WDTC1: variants seen among roughly 807,000 people sequenced by gnomAD.
The protein encoded by WDTC1 is WD and tetratricopeptide repeats protein 1.
Under a neutral mutation model 76.0 loss-of-function variants are expected in WDTC1, and 12 were observed. The observed-to-expected ratio is 0.16, with a 90% CI of 0.10 to 0.26. WDTC1 has a LOEUF of 0.26. Among genes scored for constraint, WDTC1 ranks in the 10% least tolerant of loss-of-function variants. WDTC1 has a pLI of 1.00. For synonymous variants in WDTC1, 326 were observed against 350.8 expected (o/e 0.93, Z 0.79); for missense variants, 511 against 908.8 (o/e 0.56, Z 5.63).
rs1570984970 is a variant in WDTC1 at position 27,297,041 on chromosome 1, C to T, written c.950-7C>T. Reference sequence around the variant, plus strand: ...GTTGCTGTCACTTTCTCACTATCTCCTGCCAGAAGTCCAGAATGGCAAGAT... The same window carrying T: ...GTTGCTGTCACTTTCTCACTATCTCTTGCCAGAAGTCCAGAATGGCAAGAT... On this transcript the variant is annotated splice_region_variant and splice_polypyrimidine_tract_variant and intron_variant, in intron 10 of 15. Coordinates refer to ENST00000319394, the MANE Select transcript of WDTC1 (RefSeq NM_001276252.2). The T allele has an allele frequency of 6.2e-7, 1 of 1,613,540 alleles. No individual in the cohort carries two copies. The highest frequency in any genetic ancestry group is 8.5e-7 in the Non-Finnish European group (1 of 1,179,650).
chr1:27,286,653 G>T (rs1232493219), intron 5 of WDTC1, among the ~76,000 whole-genome samples: 1 of 150,628 alleles, frequency 6.6e-6, no homozygotes, highest in African/African-American at 2.4e-5. Context: ...TAGTAGAGAC[G>T]GGGTTTCACC....
Position 27,301,076 on chromosome 1 carries a change from G to C in WDTC1, c.1233-150G>C. The C allele has an allele frequency of 1.5e-6, 1 of 687,986 alleles. No homozygotes were observed. The highest frequency in any genetic ancestry group is 2.5e-6 in the Non-Finnish European group (1 of 401,290). 42.6% of individuals were successfully genotyped at this position (687,986 alleles called of 1,614,324 possible). ...TCTCCTGATGGGGGAGGCCTGGGCT[G>C]AGCCAGGATTCTCTTCGTCCTCAAG... On this transcript the variant is annotated intron_variant, in intron 12 of 15. Coordinates refer to ENST00000319394, the MANE Select transcript of WDTC1 (RefSeq NM_001276252.2). This position sits in a 1 kb window ranked among gnomAD's most constrained non-coding sequence, Gnocchi z 5.8.
chr1:27,234,682 G>T lies in WDTC1; in HGVS notation c.-369G>T, dbSNP rs2011449740. 2.5e-6 allele frequency: 1 copy of T among 397,638 alleles called. No individual in the cohort carries two copies. The highest frequency in any genetic ancestry group is 2.1e-5 in the African/African-American group (1 of 48,536). The allele number at this position is 397,638 out of a possible 1,614,324, so 24.6% of individuals were successfully genotyped here. ...CTGGAGGAGATAAACAGAGGAGGAGGAGGGAGGGGAGTGCGTGTGTGAGAG... is the reference window on the plus strand; with the variant it reads ...CTGGAGGAGATAAACAGAGGAGGAGTAGGGAGGGGAGTGCGTGTGTGAGAG... On this transcript the variant is annotated 5_prime_UTR_variant, in exon 1 of 16. Coordinates refer to ENST00000319394, the MANE Select transcript of WDTC1 (RefSeq NM_001276252.2).
At chr1:27,268,478 G>A (rs986493244) in intron 3 of WDTC1, among the ~76,000 whole-genome samples, 1 of 151,976 alleles carries the variant, frequency 6.6e-6, no homozygotes, top group East Asian at 1.9e-4. Flanking sequence ...GAGTGCAGTG[G>A]CGTGATCTTG....
chr1:27,251,676 A>G (rs1317167656), intron 1 of WDTC1, among the ~76,000 whole-genome samples: 1 of 152,102 alleles, frequency 6.6e-6, no homozygotes, highest in East Asian at 1.9e-4. Flanking sequence ...AACAATAATT[A>G]GCTGGGAATG....
chr1:27,285,599 A>G (rs1225446574), intron 5 of WDTC1, among the ~76,000 whole-genome samples: 1 of 151,864 alleles, frequency 6.6e-6, no homozygotes, highest in East Asian at 1.9e-4. Context: ...ATAGAACTAC[A>G]TACTTTCTTT....
chr1:27,267,518 A>G (rs2012713872), intron 3 of WDTC1, among the ~76,000 whole-genome samples: 1 of 152,150 alleles, frequency 6.6e-6, no homozygotes, highest in Non-Finnish European at 1.5e-5. Flanking sequence ...GTCAATATTC[A>G]TATGGTTCAA....
Position 27,305,320 on chromosome 1 carries a change from G to C in WDTC1, c.1836+127G>C. On this transcript the variant is annotated intron_variant, in intron 15 of 15. Coordinates refer to ENST00000319394, the MANE Select transcript of WDTC1 (RefSeq NM_001276252.2). This position sits in a 1 kb window ranked among gnomAD's most constrained non-coding sequence, Gnocchi z 4.6. ...GAAGCTGCTAAGTAAGCCTTACCCCGGGGCCCAAGGCTGTGTTCTCAGATT... is the reference window on the plus strand; with the variant it reads ...GAAGCTGCTAAGTAAGCCTTACCCCCGGGCCCAAGGCTGTGTTCTCAGATT... 8.4e-7 allele frequency: 1 copy of C among 1,193,530 alleles called. No homozygotes were observed. Among genetic ancestry groups the C allele is most frequent in the Non-Finnish European group, 1.1e-6 (1 of 881,424 alleles). 73.9% of individuals were successfully genotyped at this position (1,193,530 alleles called of 1,614,324 possible).
chr1:27,298,006 A>G lies in WDTC1; in HGVS notation c.1127A>G (p.Gln376Arg). The change falls in exon 12 of 16, where the codon CAG becomes CGG. Residue 376 changes from glutamine (Q) to arginine (R), a missense_variant. Physicochemically the swap from Gln to Arg is conservative, Grantham distance 43. Coordinates refer to ENST00000319394, the MANE Select transcript of WDTC1 (RefSeq NM_001276252.2). ...CAAGCCAATGAGGCTTTTGCCTGCCAGCAGTGGACCCAAGCCATTCAGCTT... is the reference window on the plus strand; with the variant it reads ...CAAGCCAATGAGGCTTTTGCCTGCCGGCAGTGGACCCAAGCCATTCAGCTT... Reference protein sequence around the residue: ...KQQANEAFACQQWTQAIQLYS... With the variant: ...KQQANEAFACRQWTQAIQLYS... 6.2e-7 allele frequency: 1 copy of G among 1,614,146 alleles called. No homozygotes were observed. The highest frequency in any genetic ancestry group is 8.5e-7 in the Non-Finnish European group (1 of 1,179,980).
intron 5 of WDTC1, among the ~76,000 whole-genome samples, chr1:27,284,502 A>G (rs1397137457): frequency 6.6e-6 from 1 of 152,206 alleles, no homozygotes; most frequent in East Asian, 1.9e-4. Flanking sequence ...TTCTCAAGCT[A>G]TGATTCTCGC....
chr1:27,242,735 C>G (rs999617243), intron 1 of WDTC1, among the ~76,000 whole-genome samples: 1 of 152,142 alleles, frequency 6.6e-6, no homozygotes, highest in Non-Finnish European at 1.5e-5. Flanking sequence ...TCCCAAAGTG[C>G]TGGGATTACA....
intron 1 of WDTC1, among the ~76,000 whole-genome samples, chr1:27,256,935 C>T (rs1045068452): frequency 6.6e-6 from 1 of 152,202 alleles, no homozygotes; most frequent in Non-Finnish European, 1.5e-5. Context: ...GATCTCGTCT[C>T]ACTGCAAGCT....
chr1:27,245,571 T>G (rs187697548), intron 1 of WDTC1, among the ~76,000 whole-genome samples: 1 of 150,996 alleles, frequency 6.6e-6, no homozygotes, highest in Non-Finnish European at 1.5e-5. Flanking sequence ...TTTTTTTTTT[T>G]GTTTGTTTGT....
chr1:27,248,096 C>T (rs1469210498), intron 1 of WDTC1, among the ~76,000 whole-genome samples: 1 of 152,148 alleles, frequency 6.6e-6, no homozygotes, highest in African/African-American at 2.4e-5. Context: ...GTGAATAGTG[C>T]CACAATTAAC....
intron 7 of WDTC1, among the ~76,000 whole-genome samples, chr1:27,292,683 T>C (rs2013568025): frequency 6.6e-6 from 1 of 151,040 alleles, no homozygotes; most frequent in African/African-American, 2.4e-5. Flanking sequence ...CACCTCGACC[T>C]CCCAAAGTGC....
intron 12 of WDTC1, among the ~76,000 whole-genome samples, chr1:27,299,548 G>A (rs1024330482): frequency 6.6e-6 from 1 of 152,038 alleles, no homozygotes; most frequent in Non-Finnish European, 1.5e-5. Flanking sequence ...AGGCATGGGG[G>A]TGGGGGACTG....
rs140211645 is a variant in WDTC1 at position 27,237,724 on chromosome 1, G to A, written c.-100+2773G>A. Among the ~76,000 whole-genome samples the A allele has an allele frequency of 4.4e-3, 664 of 152,030 alleles. 8 individuals are homozygous for A. Among genetic ancestry groups the A allele is most frequent in the African/African-American group, 0.014 (567 of 41,496 alleles). On this transcript the variant is annotated intron_variant, in intron 1 of 15. Coordinates refer to ENST00000319394, the MANE Select transcript of WDTC1 (RefSeq NM_001276252.2). ...AAATTAGCCGGGCATGGTGGCACGC[G>A]CCTGTAGTCCCAGCTACTCAGGAGG... is the stretch of plus-strand genomic sequence containing the variant.
At chr1:27,248,855 A>C (rs1373186075) in intron 1 of WDTC1, among the ~76,000 whole-genome samples, 1 of 151,810 alleles carries the variant, frequency 6.6e-6, no homozygotes, top group Non-Finnish European at 1.5e-5. Flanking sequence ...ACAGGGTTTC[A>C]CCATGTTTCC....
At chr1:27,295,101 CCTT>C (rs1269584180) in intron 9 of WDTC1, among the ~76,000 whole-genome samples, 2 of 152,170 alleles carry the variant, frequency 1.3e-5, no homozygotes. Flanking sequence ...GGTTGCTAAA[CCTT>C]CTGTTTGTGT....
Sources: allele counts gnomAD v4.1 joint callset (sites outside exome capture counted in the v4.1 genomes callset), GRCh38; gene constraint gnomAD v4.1.1; non-coding constraint Gnocchi (gnomAD v3.1); transcripts MANE v1.5; gene names NCBI Gene and HGNC (gene_info 2026-07-23, HGNC 2026-07-21).